The following IL1RAPL2 variants were observed in gnomAD, a reference collection of about 807,000 sequenced individuals.
IL1RAPL2 encodes interleukin 1 receptor accessory protein like 2.
A neutral mutation model predicts 44.1 loss-of-function variants in IL1RAPL2; 3 were observed. The ratio of observed to expected loss-of-function variants is 0.07; its 90% confidence interval spans 0.03 to 0.18. IL1RAPL2 has a LOEUF of 0.18. Ranked by LOEUF, IL1RAPL2 falls within the 10% of genes least tolerant of loss-of-function variation. The probability of loss-of-function intolerance (pLI) is 1.00; values close to 1 mark genes in which losing one functional copy is unlikely to be tolerated. For synonymous variants in IL1RAPL2, 181 were observed against 178.8 expected, an observed-to-expected ratio of 1.01 and a Z score of -0.10; for missense variants, 391 against 496.4, an observed-to-expected ratio of 0.79 and a Z score of 2.02.
intron 2 of IL1RAPL2, among the ~76,000 whole-genome samples, chrX:104,782,658 A>G (rs143110351): frequency 0.015 from 1,657 of 110,988 alleles, 37 homozygotes; most frequent in African/African-American, 0.051. Flanking sequence ...TCAGCTCAGC[A>G]TTTTCTTTGC....
intron 2 of IL1RAPL2, among the ~76,000 whole-genome samples, chrX:104,957,879 A>AGAGTTAGAGACAGCCT: frequency 9.0e-6 from 1 of 111,036 alleles, no homozygotes; most frequent in South Asian, 3.9e-4. Flanking sequence ...CTTGAGCTCA[A>AGAGTTAGAGACAGCCT]GAGTTAGAGA....
chrX:104,672,806 G>A (rs1930641955), intron 2 of IL1RAPL2, among the ~76,000 whole-genome samples: 1 of 109,925 alleles, frequency 9.1e-6, no homozygotes, highest in Admixed American at 9.7e-5. Context: ...GTGTGAGATG[G>A]TATCTCATTG....
intron 2 of IL1RAPL2, among the ~76,000 whole-genome samples, chrX:105,027,109 C>G (rs750218798): frequency 9.0e-6 from 1 of 111,261 alleles, no homozygotes; most frequent in South Asian, 3.7e-4. Context: ...GCTGGGAAGA[C>G]GATATCCATA....
chrX:105,219,902 C>A (rs782365807), intron 3 of IL1RAPL2: 31 of 1,112,099 alleles, frequency 2.8e-5, no homozygotes, highest in Non-Finnish European at 3.4e-5. Context: ...TGGGGCAGGG[C>A]AGTGGTACTG....
At chrX:105,123,731 G>A (rs764249112) in intron 2 of IL1RAPL2, among the ~76,000 whole-genome samples, 1 of 111,250 alleles carries the variant, frequency 9.0e-6, no homozygotes, top group Admixed American at 9.6e-5. Context: ...ATTCAAAGCT[G>A]TATGTGCTAG....
chrX:105,162,618 C>T (rs1296141243), intron 2 of IL1RAPL2, among the ~76,000 whole-genome samples: 1 of 111,941 alleles, frequency 8.9e-6, no homozygotes, highest in Non-Finnish European at 1.9e-5. Context: ...TTTTTATAAG[C>T]ATTTATACAT....
intron 5 of IL1RAPL2, among the ~76,000 whole-genome samples, chrX:105,281,517 A>T (rs1043196641): frequency 8.9e-6 from 1 of 112,510 alleles, no homozygotes; most frequent in Non-Finnish European, 1.9e-5. Context: ...ATTTTTGTCA[A>T]TGATGGACTG....
chrX:105,029,345 C>T (rs2031436924), intron 2 of IL1RAPL2, among the ~76,000 whole-genome samples: 2 of 103,910 alleles, frequency 1.9e-5, no homozygotes, highest in African/African-American at 3.5e-5. Flanking sequence ...TGGTGTGCTG[C>T]ACCCATTAAC....
chrX:104,756,637 G>T (rs1477147344), intron 2 of IL1RAPL2, among the ~76,000 whole-genome samples: 1 of 110,696 alleles, frequency 9.0e-6, no homozygotes, highest in Non-Finnish European at 1.9e-5. Context: ...TTACATTTTA[G>T]TGGAAGAAAC....
At chrX:105,026,126 G>A (rs772421166) in intron 2 of IL1RAPL2, among the ~76,000 whole-genome samples, 6 of 110,154 alleles carry the variant, frequency 5.4e-5, no homozygotes, top group Admixed American at 9.7e-5. Context: ...AAGAACTGAA[G>A]CCCGATAGTC....
chrX:104,625,581 A>G (rs1160996212), intron 1 of IL1RAPL2, among the ~76,000 whole-genome samples: 5 of 110,491 alleles, frequency 4.5e-5, no homozygotes, highest in Non-Finnish European at 9.5e-5. Flanking sequence ...TTCCTTGTCT[A>G]TCTGTGTCAG....
At chrX:104,883,349 C>T (rs756837525) in intron 2 of IL1RAPL2, among the ~76,000 whole-genome samples, 10 of 111,101 alleles carry the variant, frequency 9.0e-5, no homozygotes, top group East Asian at 2.8e-4. Context: ...TAACAACCCC[C>T]GACTCTTCGG....
chrX:105,376,077 G>C (rs903517416), intron 5 of IL1RAPL2, among the ~76,000 whole-genome samples: 2 of 111,592 alleles, frequency 1.8e-5, no homozygotes, highest in Admixed American at 1.9e-4. Context: ...ATGGGGCCTG[G>C]GCAACGAAGA....
At chrX:105,362,001 A>G (rs1323270594) in intron 5 of IL1RAPL2, among the ~76,000 whole-genome samples, 1 of 111,679 alleles carries the variant, frequency 9.0e-6, no homozygotes, top group Non-Finnish European at 1.9e-5. Flanking sequence ...TGAACATTTC[A>G]GGCCTTTACT....
At chrX:105,537,471 C>G (rs1292116647) in intron 6 of IL1RAPL2, among the ~76,000 whole-genome samples, 1 of 111,873 alleles carries the variant, frequency 8.9e-6, no homozygotes, top group Non-Finnish European at 1.9e-5. Context: ...CACCTTCCGA[C>G]TTATAAAAAT....
chrX:105,069,541 G>A (rs1456245535), intron 2 of IL1RAPL2, among the ~76,000 whole-genome samples: 1 of 111,914 alleles, frequency 8.9e-6, no homozygotes, highest in Admixed American at 9.5e-5. Flanking sequence ...TATGGAGCAA[G>A]GGCTGGGAAT....
At chrX:104,947,096 A>G in intron 2 of IL1RAPL2, among the ~76,000 whole-genome samples, 1 of 111,047 alleles carries the variant, frequency 9.0e-6, no homozygotes. Context: ...TGACTTTTTA[A>G]TGATCACCAT....
At chrX:104,592,037 A>ATTTG (rs759143308) in intron 1 of IL1RAPL2, among the ~76,000 whole-genome samples, 841 of 108,983 alleles carry the variant, frequency 7.7e-3, no homozygotes, top group Non-Finnish European at 0.013. Context: ...TATTTTAGGT[A>ATTTG]TTTGTTTGTT....
At position 105,220,005 on chromosome X, in the gene IL1RAPL2, C is replaced by G. The variant is rs782527369; in HGVS notation, c.357-13813C>G. ...GCACCTCCACGAGGCTGGTCTGGGCCATTCTTAGCCGGGAGGCCGCCTCCT... is the reference window on the plus strand; with the variant it reads ...GCACCTCCACGAGGCTGGTCTGGGCGATTCTTAGCCGGGAGGCCGCCTCCT... On this transcript the variant is annotated intron_variant, in intron 3 of 10. Coordinates refer to ENST00000372582, the MANE Select transcript of IL1RAPL2 (RefSeq NM_017416.2). The G allele has an allele frequency of 1.7e-5, 21 of 1,209,033 alleles. No individual in the cohort carries two copies. Among genetic ancestry groups the G allele is most frequent in the African/African-American group, 3.5e-5 (2 of 57,482 alleles).
Sources: allele counts gnomAD v4.1 joint callset (sites outside exome capture counted in the v4.1 genomes callset), GRCh38; gene constraint gnomAD v4.1.1; transcripts MANE v1.5; gene names NCBI Gene and HGNC (gene_info 2026-07-23, HGNC 2026-07-21).